Variants in SERPINB10 observed in about 807,000 individuals in gnomAD.
SERPINB10 encodes the protein serpin family B member 10.
SERPINB10 carries 35 observed loss-of-function variants against 39.1 expected under a neutral mutation model. The observed-to-expected ratio is 0.90, with a 90% confidence interval of 0.68 to 1.19. The LOEUF is 1.19. Among genes scored for constraint, SERPINB10 ranks in the 50% most tolerant of loss-of-function variants. The pLI is 0.00. For missense variants in SERPINB10, 546 were observed against 460.5 expected (o/e 1.19, Z -1.70); for synonymous variants, 190 against 158.1 (o/e 1.20, Z -1.52).
At chr18:63,914,298 C>T (rs1217022103) in intron 1 of SERPINB10, among the ~76,000 whole-genome samples, 1 of 151,876 alleles carries the variant, frequency 6.6e-6, no homozygotes, top group African/African-American at 2.4e-5. Flanking sequence ...GGTGTTGATC[C>T]TATTGCGAAG....
chr18:63,934,413 CGT>C, intron 7 of SERPINB10, among the ~76,000 whole-genome samples: 1 of 152,094 alleles, frequency 6.6e-6, no homozygotes, highest in South Asian at 2.1e-4. Context: ...AGAGTATAGA[CGT>C]GTTATTTTAT....
At chr18:63,924,354 T>C (rs1174331874) in intron 5 of SERPINB10, among the ~76,000 whole-genome samples, 2 of 152,002 alleles carry the variant, frequency 1.3e-5, no homozygotes, top group Admixed American at 1.3e-4. Flanking sequence ...TACGGTGTCC[T>C]CACTCATTAC....
rs574852415 is a variant in SERPINB10 at position 63,918,835 on chromosome 18, G to A, written c.372+733G>A. Among the ~76,000 whole-genome samples the A allele has an allele frequency of 1.5e-4, 23 of 151,992 alleles. No homozygotes were observed. The East Asian group carries it at 1.6e-3, about 10-fold the overall frequency. On this transcript the variant is annotated intron_variant, in intron 4 of 7. Coordinates refer to ENST00000238508, the MANE Select transcript of SERPINB10 (RefSeq NM_005024.3). Reference sequence around the variant, plus strand: ...CTTTCTTGTAGGCTCATGGACTCTCGTTTGATGCAGAAGTAGGAGACATGA... The same window carrying A: ...CTTTCTTGTAGGCTCATGGACTCTCATTTGATGCAGAAGTAGGAGACATGA...
chr18:63,930,751 T>C (rs747348051), intron 6 of SERPINB10, among the ~76,000 whole-genome samples: 6 of 152,200 alleles, frequency 3.9e-5, no homozygotes, highest in Non-Finnish European at 8.8e-5. Context: ...CTACCATCAT[T>C]CTTCTCTCAG....
chr18:63,932,811 TTA>T (rs1451253935), intron 6 of SERPINB10, among the ~76,000 whole-genome samples: 1 of 152,204 alleles, frequency 6.6e-6, no homozygotes, highest in Non-Finnish European at 1.5e-5. Flanking sequence ...TTGCTGTGAT[TTA>T]TAGAGGTTAC....
chr18:63,934,948 T>G lies in SERPINB10; in HGVS notation c.900T>G (p.Tyr300Ter), dbSNP rs1160349895. The change falls in exon 8 of 8, where the codon TAT becomes TAG. Residue 300 changes from tyrosine (Y) to a stop codon, truncating the protein, a stop_gained. Coordinates refer to ENST00000238508, the MANE Select transcript of SERPINB10 (RefSeq NM_005024.3). LOFTEE classifies it high-confidence loss of function. ...CCAAGTTCAAGCTGGAAGACAGTTA[T>G]GATCTCAAGTCAACCCTGAGCAGTA... Reference protein sequence around the residue: ...HLPKFKLEDSYDLKSTLSSMG... With the variant: ...HLPKFKLEDS 16 of 1,614,246 alleles carry G rather than the reference T, an allele frequency of 9.9e-6. No individual in the cohort carries two copies. Among genetic ancestry groups the G allele is most frequent in the Non-Finnish European group, 1.4e-5 (16 of 1,180,038 alleles).
chr18:63,913,873 T>C (rs1406975290), intron 1 of SERPINB10, among the ~76,000 whole-genome samples: 1 of 152,136 alleles, frequency 6.6e-6, no homozygotes, highest in East Asian at 1.9e-4. Context: ...CCCCCACTAT[T>C]GTTGTGTGTC....
intron 4 of SERPINB10, among the ~76,000 whole-genome samples, chr18:63,918,388 T>G (rs539380261): frequency 6.6e-6 from 1 of 152,144 alleles, no homozygotes; most frequent in East Asian, 1.9e-4. Flanking sequence ...ACTGTCTACT[T>G]GAGAGCAAAA....
intron 4 of SERPINB10, 23 bp from the exon 5 acceptor site, chr18:63,919,765 G>A (rs947056316): frequency 1.4e-6 from 2 of 1,472,356 alleles, no homozygotes; most frequent in Non-Finnish European, 1.9e-6. Context: ...CTACAAAAGG[G>A]GATTTTTATC....
chr18:63,908,563 G>T (rs1042656381), intron 1 of SERPINB10, among the ~76,000 whole-genome samples: 2 of 151,740 alleles, frequency 1.3e-5, no homozygotes, highest in Non-Finnish European at 1.5e-5. Flanking sequence ...TCCTCTCCTG[G>T]CCACCATTTC....
At chr18:63,914,297 C>A (rs2050086452) in intron 1 of SERPINB10, among the ~76,000 whole-genome samples, 1 of 151,976 alleles carries the variant, frequency 6.6e-6, no homozygotes, top group African/African-American at 2.4e-5. Flanking sequence ...AGGTGTTGAT[C>A]CTATTGCGAA....
At chr18:63,913,064 T>G (rs58264405) in intron 1 of SERPINB10, among the ~76,000 whole-genome samples, 16,983 of 152,072 alleles carry the variant, frequency 0.11, 2,207 homozygotes, top group African/African-American at 0.31. Context: ...TTTGTGTGCA[T>G]AGAGGTAGTC....
At chr18:63,934,202 G>C (rs1158769056) in intron 7 of SERPINB10, among the ~76,000 whole-genome samples, 2 of 151,998 alleles carry the variant, frequency 1.3e-5, no homozygotes, top group African/African-American at 4.8e-5. Flanking sequence ...ATATACATGT[G>C]TATTTTTGTG....
At chr18:63,926,266 C>G (rs901903325) in intron 5 of SERPINB10, among the ~76,000 whole-genome samples, 1 of 151,940 alleles carries the variant, frequency 6.6e-6, no homozygotes, top group Non-Finnish European at 1.5e-5. Flanking sequence ...ACATGGCTTC[C>G]TCTTGTTATC....
rs780106788 is a variant in SERPINB10 at position 63,917,412 on chromosome 18, A to G, written c.169-44A>G. 7.2e-6 allele frequency: 8 copies of G among 1,115,038 alleles called. No homozygotes were observed. The Admixed American group carries it at 1.7e-4, about 24-fold the overall frequency. 69.1% of individuals were successfully genotyped at this position (1,115,038 alleles called of 1,614,324 possible). A position where few individuals can be genotyped will look rare whatever the true frequency, so the allele number is the denominator to read the frequency against. On this transcript the variant is annotated intron_variant, in intron 2 of 7. Transcript: ENST00000238508. Reference sequence around the variant, plus strand: ...CAGATGATGTATGATTTATATAATTACTTCTCTGCAGTCTATTCATTTGTA... The same window carrying G: ...CAGATGATGTATGATTTATATAATTGCTTCTCTGCAGTCTATTCATTTGTA...
In SERPINB10 at chr18:63,930,207, C is replaced by G. The variant is rs185298366; in HGVS notation, c.633+20C>G. On this transcript the variant is annotated intron_variant, in intron 6 of 7. Transcript: ENST00000238508. Reference sequence around the variant, plus strand: ...AACGAGGTAGGAAATTTTTAAAGATCAGTTTGGATTTTCACATGGCATTGT... The same window carrying G: ...AACGAGGTAGGAAATTTTTAAAGATGAGTTTGGATTTTCACATGGCATTGT... 3.1e-6 allele frequency: 5 copies of G among 1,610,484 alleles called. No individual in the cohort carries two copies. The African/African-American group carries it at 6.7e-5, about 22-fold the overall frequency.
rs1452117305 is a variant in SERPINB10 at position 63,935,048 on chromosome 18, T to A, written c.1000T>A (p.Ser334Thr). ...GTCTTCAGCAAGAAACCTATTTTTG[T>A]CCAATGTTTTCCATAAGGCTTTTGT... ...GMSSARNLFL[S>T]NVFHKAFVEI... is the part of the protein sequence containing the mutation. The change falls in exon 8 of 8, where the codon TCC (serine) becomes ACC (threonine). Residue 334 changes from serine (S) to threonine (T), a missense_variant. Physicochemically the swap from Ser to Thr is moderately conservative, Grantham distance 58. Transcript: ENST00000238508. 6.2e-7 allele frequency: 1 copy of A among 1,614,166 alleles called. No individual in the cohort carries two copies.
chr18:63,912,955 A>C (rs1292359060), intron 1 of SERPINB10, among the ~76,000 whole-genome samples: 1 of 151,868 alleles, frequency 6.6e-6, no homozygotes, highest in Non-Finnish European at 1.5e-5. Context: ...CAATTTTGAA[A>C]CATGATATTG....
intron 5 of SERPINB10, among the ~76,000 whole-genome samples, chr18:63,928,532 T>C (rs1162700120): frequency 6.6e-6 from 1 of 152,062 alleles, no homozygotes; most frequent in Non-Finnish European, 1.5e-5. Context: ...CAGATGTTAA[T>C]CAGAGCAGCT....
Sources: allele counts gnomAD v4.1 joint callset (sites outside exome capture counted in the v4.1 genomes callset), GRCh38; gene constraint gnomAD v4.1.1; transcripts MANE v1.5; gene names NCBI Gene and HGNC (gene_info 2026-07-23, HGNC 2026-07-21).